CSMD1: variants seen among roughly 807,000 people sequenced by gnomAD.
CSMD1 encodes the protein CUB and Sushi multiple domains 1.
Under a neutral mutation model 417.5 loss-of-function variants are expected in CSMD1, and 213 were observed. The observed-to-expected ratio is 0.51, with a 90% CI of 0.46 to 0.57. The LOEUF (loss-of-function observed/expected upper bound fraction) is 0.57. Ranked by LOEUF, CSMD1 falls within the 20% of genes least tolerant of loss-of-function variation. The pLI, the probability that CSMD1 is intolerant of heterozygous loss-of-function variation, is 0.00. For synonymous variants in CSMD1, 2,862 were observed against 1,736.8 expected, an observed-to-expected ratio of 1.65 and a Z score of -16.11; for missense variants, 6,923 against 4,529.7, an observed-to-expected ratio of 1.53 and a Z score of -15.17.
intron 9 of CSMD1, among the ~76,000 whole-genome samples, chr8:3,575,658 G>C (rs951565211): frequency 6.6e-6 from 1 of 151,934 alleles, no homozygotes; most frequent in African/African-American, 2.4e-5. Flanking sequence ...ACAGCACAAC[G>C]CAAATAGGAA....
intron 3 of CSMD1, among the ~76,000 whole-genome samples, chr8:4,220,900 A>G (rs1290173995): frequency 6.6e-6 from 1 of 152,170 alleles, no homozygotes; most frequent in Non-Finnish European, 1.5e-5. Context: ...TGTGGGAGGA[A>G]TAAGTAGGCT....
chr8:3,355,553 G>T (rs1250502487), intron 21 of CSMD1, among the ~76,000 whole-genome samples: 3 of 152,150 alleles, frequency 2.0e-5, no homozygotes, highest in Non-Finnish European at 4.4e-5. Flanking sequence ...AGGAAACCCA[G>T]GACTTGTACA....
At chr8:3,787,931 G>T (rs867463981) in intron 5 of CSMD1, among the ~76,000 whole-genome samples, 1 of 152,168 alleles carries the variant, frequency 6.6e-6, no homozygotes, top group African/African-American at 2.4e-5. Flanking sequence ...GTGAGGGGAA[G>T]GAGATGGGCA....
intron 40 of CSMD1, among the ~76,000 whole-genome samples, chr8:3,150,245 C>T (rs964282339): frequency 7.2e-5 from 11 of 152,280 alleles, no homozygotes; most frequent in African/African-American, 2.4e-4. Context: ...TCCACAGAGT[C>T]TCTCCCTTCC....
At chr8:4,355,359 C>A (rs1801367552) in intron 3 of CSMD1, among the ~76,000 whole-genome samples, 1 of 151,898 alleles carries the variant, frequency 6.6e-6, no homozygotes, top group African/African-American at 2.4e-5. Flanking sequence ...TATATATACA[C>A]ACACACAAAA....
At chr8:4,947,833 G>A (rs942022651) in intron 1 of CSMD1, among the ~76,000 whole-genome samples, 1 of 152,012 alleles carries the variant, frequency 6.6e-6, no homozygotes, top group Non-Finnish European at 1.5e-5. Context: ...ATATAGCTGT[G>A]TTTTATTTAT....
chr8:4,682,978 A>G (rs1032580452), intron 1 of CSMD1, among the ~76,000 whole-genome samples: 5 of 143,180 alleles, frequency 3.5e-5, no homozygotes, highest in Non-Finnish European at 7.8e-5. Flanking sequence ...ATATATATAT[A>G]TATATATATA....
intron 1 of CSMD1, among the ~76,000 whole-genome samples, chr8:4,780,762 T>C (rs1317744912): frequency 6.6e-6 from 1 of 152,094 alleles, no homozygotes; most frequent in Non-Finnish European, 1.5e-5. Context: ...ATTGTATCAT[T>C]TTTATGCCTT....
intron 5 of CSMD1, among the ~76,000 whole-genome samples, chr8:3,765,210 G>A (rs754659001): frequency 1.3e-5 from 2 of 152,048 alleles, no homozygotes; most frequent in East Asian, 1.9e-4. Context: ...ATGTGGTGGC[G>A]ATCACTCCCT....
chr8:3,893,745 T>C (rs1225661580), intron 5 of CSMD1, among the ~76,000 whole-genome samples: 1 of 152,110 alleles, frequency 6.6e-6, no homozygotes, highest in Non-Finnish European at 1.5e-5. Flanking sequence ...ACATTCGCTT[T>C]GTAATTGAGC....
At chr8:3,818,646 C>T (rs971887317) in intron 5 of CSMD1, among the ~76,000 whole-genome samples, 2 of 152,114 alleles carry the variant, frequency 1.3e-5, no homozygotes, top group Non-Finnish European at 2.9e-5. Flanking sequence ...AAGGGATGCC[C>T]GGCATCGTCT....
intron 3 of CSMD1, among the ~76,000 whole-genome samples, chr8:4,146,853 G>C (rs1004842393): frequency 6.7e-6 from 1 of 148,374 alleles, no homozygotes; most frequent in Non-Finnish European, 1.5e-5. Flanking sequence ...CTCGTGATCC[G>C]CCCGCCTCAG....
chr8:4,017,677 A>G (rs997219815), intron 4 of CSMD1, among the ~76,000 whole-genome samples: 5 of 151,972 alleles, frequency 3.3e-5, no homozygotes, highest in Non-Finnish European at 5.9e-5. Flanking sequence ...TTTTTTTCAA[A>G]TTCGACTTCA....
chr8:4,158,536 A>G (rs201582691), intron 3 of CSMD1, among the ~76,000 whole-genome samples: 18 of 152,298 alleles, frequency 1.2e-4, no homozygotes, highest in South Asian at 2.1e-4. Context: ...TAATATTAAC[A>G]CAGCCGCTAG....
chr8:3,941,754 G>C (rs1317647024), intron 5 of CSMD1, among the ~76,000 whole-genome samples: 1 of 152,118 alleles, frequency 6.6e-6, no homozygotes, highest in Admixed American at 6.5e-5. Flanking sequence ...GCCTAAAACA[G>C]CATGGACACA....
Position 4,681,348 on chromosome 8 carries a change from C to G in CSMD1, c.86-43790G>C, listed in dbSNP as rs190933139. Among the ~76,000 whole-genome samples, 6 of 152,240 alleles carry G rather than the reference C, an allele frequency of 3.9e-5. No homozygotes were observed. The East Asian group carries it at 1.2e-3, about 29-fold the overall frequency. On this transcript the variant is annotated intron_variant, in intron 1 of 69. Coordinates refer to ENST00000635120, the MANE Select transcript of CSMD1 (RefSeq NM_033225.6). ...TCTGATATAAGTGGTGTTGAAACCA[C>G]CAATATGGTTTGCTAATTTCAGTGG...
intron 15 of CSMD1, among the ~76,000 whole-genome samples, chr8:3,401,338 T>C (rs1481301869): frequency 2.6e-5 from 4 of 152,166 alleles, no homozygotes; most frequent in Admixed American, 6.6e-5. Context: ...TTTGCATTTT[T>C]ATGTTTCTTG....
At chr8:4,190,982 G>A (rs1484878714) in intron 3 of CSMD1, among the ~76,000 whole-genome samples, 1 of 151,962 alleles carries the variant, frequency 6.6e-6, no homozygotes, top group Non-Finnish European at 1.5e-5. Flanking sequence ...AGAGGATCAG[G>A]ACAAATGGAT....
intron 2 of CSMD1, among the ~76,000 whole-genome samples, chr8:4,471,044 G>T (rs556377311): frequency 1.3e-5 from 2 of 151,988 alleles, no homozygotes; most frequent in African/African-American, 2.4e-5. Context: ...AACTTGCAAG[G>T]TCTAATTTCC....
Sources: gnomAD v4.1 joint callset for allele counts (sites outside exome capture counted in the v4.1 genomes callset) on GRCh38, gnomAD v4.1.1 for gene constraint, MANE v1.5 for transcripts, NCBI Gene and HGNC (gene_info 2026-07-23, HGNC 2026-07-21) for gene names.